DLG3: variants seen among roughly 807,000 people sequenced by gnomAD.
DLG3 encodes discs large MAGUK scaffold protein 3, also known as disks large homolog 3.
Under a neutral mutation model 64.1 loss-of-function variants are expected in DLG3, and 1 was observed. The ratio of observed to expected loss-of-function variants is 0.02; its 90% confidence interval spans 0.01 to 0.07. DLG3 has a LOEUF of 0.07. Among genes scored for constraint, DLG3 ranks in the 10% least tolerant of loss-of-function variants. DLG3 has a pLI of 1.00. For missense variants in DLG3, 429 were observed against 669.5 expected, an observed-to-expected ratio of 0.64 and a Z score of 3.96; for synonymous variants, 245 against 259.8, an observed-to-expected ratio of 0.94 and a Z score of 0.55.
At chrX:70,491,369 C>A (rs2087354860) in intron 10 of DLG3, among the ~76,000 whole-genome samples, 1 of 112,351 alleles carries the variant, frequency 8.9e-6, no homozygotes, top group Admixed American at 9.4e-5. Flanking sequence ...TTTCCATAAG[C>A]CTGGATTGTA....
At chrX:70,451,016 A>G (rs2086611368) in intron 6 of DLG3, 5 of 435,735 alleles carry the variant, frequency 1.1e-5, no homozygotes, top group Non-Finnish European at 2.0e-5. Flanking sequence ...GACAATTTCT[A>G]TGGAGAGTGA....
chrX:70,460,513 C>T (rs1253922836), intron 9 of DLG3, among the ~76,000 whole-genome samples: 1 of 112,008 alleles, frequency 8.9e-6, no homozygotes, highest in Non-Finnish European at 1.9e-5. Context: ...TAATAGTAAA[C>T]GTGTGCAGGC....
At chrX:70,496,301 T>TG (rs915687358) in intron 13 of DLG3, among the ~76,000 whole-genome samples, 3 of 112,207 alleles carry the variant, frequency 2.7e-5, no homozygotes, top group Admixed American at 9.4e-5. Flanking sequence ...CCTTTCTGGG[T>TG]GGGGGGGCCA....
chrX:70,481,238 T>C (rs1300285754), intron 10 of DLG3, among the ~76,000 whole-genome samples: 2 of 112,401 alleles, frequency 1.8e-5, no homozygotes, highest in African/African-American at 6.5e-5. Flanking sequence ...TTCTTCAGCA[T>C]GTAAACATAT....
At chrX:70,450,004 C>A in intron 4 of DLG3, 145 bp downstream of exon 4, 1 of 981,894 alleles carries the variant, frequency 1.0e-6, no homozygotes. Flanking sequence ...TGACCTCAGG[C>A]CTCACCCTTA....
chrX:70,454,404 C>T, intron 9 of DLG3, 88 bp downstream of exon 9: 2 of 787,853 alleles, frequency 2.5e-6, no homozygotes, highest in Non-Finnish European at 3.8e-6. Context: ...GTAACAAAGC[C>T]ACTTGACCAG....
Position 70,454,275 on chromosome X carries a change from C to T in DLG3, c.1364C>T (p.Ala455Val). Residue 455 changes from alanine (A) to valine (V), a missense_variant, in exon 9 of 19, where the codon GCC becomes GTC. Around this residue, in one of 9 missense-constraint regions of DLG3, gnomAD observed 46 missense variants for 52.3 expected, o/e 0.88. Coordinates refer to ENST00000374360, the MANE Select transcript of DLG3 (RefSeq NM_021120.4). ...CAGGCTGCAGCTGCTCTGAAACGGG[C>T]CGGCCAGTCAGTCACCATTGTGGCC... is the stretch of plus-strand genomic sequence containing the variant. Reference protein sequence around the residue: ...HEQAAAALKRAGQSVTIVAQY... With the variant: ...HEQAAAALKRVGQSVTIVAQY... 1 of 1,211,336 alleles carries T rather than the reference C, an allele frequency of 8.3e-7. No homozygotes were observed. Among genetic ancestry groups the T allele is most frequent in the Non-Finnish European group, 1.1e-6 (1 of 895,280 alleles).
chrX:70,466,279 GTGTGT>G (rs2086885421), intron 9 of DLG3, among the ~76,000 whole-genome samples: 1 of 107,714 alleles, frequency 9.3e-6, no homozygotes. Flanking sequence ...GTGTGTGTGT[GTGTGT>G]GTGTGTGTGT....
intron 13 of DLG3, among the ~76,000 whole-genome samples, chrX:70,496,709 C>G (rs981034615): frequency 8.9e-6 from 1 of 112,474 alleles, no homozygotes; most frequent in African/African-American, 3.2e-5. Flanking sequence ...TCTGCTTAAC[C>G]CATCCAGCGT....
At chrX:70,492,811 G>A (rs1051875582) in intron 12 of DLG3, among the ~76,000 whole-genome samples, 85 of 112,126 alleles carry the variant, frequency 7.6e-4, no homozygotes, top group African/African-American at 2.6e-3. Context: ...CCTGGGTACC[G>A]GCTCTTGAAG....
At position 70,502,199 on chromosome X, in the gene DLG3, A is replaced by C. The variant is rs1277135766; in HGVS notation, c.2384A>C (p.Asn795Thr). ...VQGDSLEEIY[N>T]KIKQIIEDQS... ...GGTGACTCACTGGAAGAGATTTATA[A>C]CAAAATCAAACAAATCATTGAGGAC... The change falls in exon 19 of 19, where the codon AAC becomes ACC. Residue 795 changes from asparagine to threonine, a missense_variant. Physicochemically the swap from Asn to Thr is moderately conservative, Grantham distance 65 (BLOSUM62 0). Coordinates refer to ENST00000374360, the MANE Select transcript of DLG3 (RefSeq NM_021120.4). 6 of 1,209,481 alleles carry C rather than the reference A, an allele frequency of 5.0e-6. No homozygotes were observed. In the South Asian group the frequency reaches 1.1e-4, roughly 21 times the overall value.
At chrX:70,455,782 C>G (rs1037747230) in intron 9 of DLG3, 3 of 111,932 alleles carry the variant, frequency 2.7e-5, no homozygotes, top group Non-Finnish European at 5.6e-5. Context: ...CCCTTTGTCC[C>G]CTAGGGCTGC....
At chrX:70,495,285 C>A in intron 12 of DLG3, 123 bp from the exon 13 acceptor site, 1 of 639,350 alleles carries the variant, frequency 1.6e-6, no homozygotes, top group Non-Finnish European at 2.6e-6. Context: ...CCCCCCTTGT[C>A]TTTTTCTCTA....
chrX:70,457,069 A>G (rs1320064736), intron 9 of DLG3, among the ~76,000 whole-genome samples: 1 of 112,181 alleles, frequency 8.9e-6, no homozygotes, highest in Non-Finnish European at 1.9e-5. Flanking sequence ...AAGTGGTCCA[A>G]TTCTTCATTG....
intron 9 of DLG3, among the ~76,000 whole-genome samples, chrX:70,456,452 A>G (rs1375045052): frequency 1.8e-5 from 2 of 112,280 alleles, no homozygotes; most frequent in African/African-American, 3.2e-5. Context: ...TATGCTGGAT[A>G]CTAGTGACTA....
chrX:70,463,991 G>A (rs1271893632), intron 9 of DLG3, among the ~76,000 whole-genome samples: 1 of 110,678 alleles, frequency 9.0e-6, no homozygotes, highest in Non-Finnish European at 1.9e-5. Flanking sequence ...GATTACAGGA[G>A]TGAGCCACTG....
chrX:70,445,594 C>T, intron 1 of DLG3, 36 bp downstream of exon 1: 1 of 1,142,829 alleles, frequency 8.8e-7, no homozygotes, highest in Non-Finnish European at 1.2e-6. Flanking sequence ...GTGGGGCAAC[C>T]CAGGAGGGCT....
At position 70,446,048 on chromosome X, in the gene DLG3, C is replaced by T. The variant is rs753882705; in HGVS notation, c.357+490C>T. On this transcript the variant is annotated intron_variant, in intron 1 of 18. Coordinates refer to ENST00000374360, the MANE Select transcript of DLG3 (RefSeq NM_021120.4). The stretch of plus-strand genomic sequence containing the variant: ...TGTGGAGGAGCCCATGTGCCCGGCT[C>T]GCTGAGCTTCATCCCTTGATGCCAT... Among the ~76,000 whole-genome samples, 11 of 110,632 alleles carry T rather than the reference C, an allele frequency of 9.9e-5. No individual in the cohort carries two copies. The East Asian group carries it at 1.2e-3, about 12-fold the overall frequency.
At position 70,502,402 on chromosome X, in the gene DLG3, A is replaced by G. The variant is rs963432470; in HGVS notation, c.*133A>G. On this transcript the variant is annotated 3_prime_UTR_variant, in exon 19 of 19. Transcript: ENST00000374360. ...CCCCTTTTTTAGATATGTCAAAAAAAATTAAGTTTTCTAGTCCTGTTCTTT... is the reference window on the plus strand; with the variant it reads ...CCCCTTTTTTAGATATGTCAAAAAAGATTAAGTTTTCTAGTCCTGTTCTTT... The G allele has an allele frequency of 2.7e-5, 14 of 513,666 alleles. No homozygotes were observed. In the African/African-American group the frequency reaches 3.4e-4, roughly 13 times the overall value. The allele number at this position is 513,666 out of a possible 1,213,427, so 42.3% of individuals were successfully genotyped here.
Sources: allele counts gnomAD v4.1 joint callset (sites outside exome capture counted in the v4.1 genomes callset), GRCh38; gene constraint gnomAD v4.1.1; regional missense constraint gnomAD v4.1.1; transcripts MANE v1.5; gene names NCBI Gene and HGNC (gene_info 2026-07-23, HGNC 2026-07-21).